Variants in ADAMTS16 observed in about 807,000 individuals in gnomAD.
ADAMTS16 encodes ADAM metallopeptidase with thrombospondin type 1 motif 16.
In ADAMTS16, 94 loss-of-function variants were observed where a neutral mutation model predicts 145.8. The ratio of observed to expected loss-of-function variants is 0.64; its 90% CI spans 0.55 to 0.77. ADAMTS16 has a LOEUF of 0.77. Among genes scored for constraint, ADAMTS16 ranks in the 30% least tolerant of loss-of-function variants. ADAMTS16 has a pLI of 0.00. For missense variants in ADAMTS16, 1,585 were observed against 1,591.5 expected (o/e 1.00, Z 0.07); for synonymous variants, 659 against 604.3 (o/e 1.09, Z -1.33).
In ADAMTS16 at chr5:5,247,933, C is replaced by T. The variant is rs190753195; in HGVS notation, c.2662+5742C>T. ...AGGGCCAGCCTGTCACTTAAATACA[C>T]TGGGAACCATTCAGAATTTGGACTG... On this transcript the variant is annotated intron_variant, in intron 17 of 22. Transcript: ENST00000274181. Among the ~76,000 whole-genome samples, 416 of 152,334 alleles carry T rather than the reference C, an allele frequency of 2.7e-3. 3 individuals carry two copies. The highest frequency in any genetic ancestry group is 9.5e-3 in the African/African-American group (397 of 41,582).
rs561335229 is a variant in ADAMTS16 at position 5,232,793 on chromosome 5, C to T, written c.1850+277C>T. On this transcript the variant is annotated intron_variant, in intron 12 of 22. Transcript: ENST00000274181. The stretch of plus-strand genomic sequence containing the variant: ...AATTTTTGTATTTCTAGTAGAGACA[C>T]GGTTTTACCATGTTGGTCAGGCTGG... Among the ~76,000 whole-genome samples the T allele has an allele frequency of 1.8e-4, 27 of 151,816 alleles. No individual in the cohort carries two copies. The South Asian group carries it at 1.9e-3, about 11-fold the overall frequency.
intron 18 of ADAMTS16, among the ~76,000 whole-genome samples, chr5:5,274,500 C>T (rs1413057814): frequency 1.3e-5 from 2 of 152,082 alleles, no homozygotes; most frequent in African/African-American, 4.8e-5. Context: ...TAGTCACATG[C>T]GTGTAAGTTT....
At position 5,317,274 on chromosome 5, in the gene ADAMTS16, AG is replaced by A. The variant is rs1470162609; in HGVS notation, c.3412-858del. ...TTTTTCAATCAGAAGGATAACTTGTAGGTAACTTTATTGGCAGGGGGATCTA... is the reference window on the plus strand; with the variant it reads ...TTTTTCAATCAGAAGGATAACTTGTAGTAACTTTATTGGCAGGGGGATCTA... On this transcript the variant is annotated intron_variant, in intron 21 of 22. Transcript: ENST00000274181. This position sits in a 1 kb window ranked among gnomAD's most constrained non-coding sequence, Gnocchi z 4.5. Among the ~76,000 whole-genome samples, 1 of 152,234 alleles carries A rather than the reference AG, an allele frequency of 6.6e-6. No homozygotes were observed. The highest frequency in any genetic ancestry group is 1.5e-5 in the Non-Finnish European group (1 of 68,040).
At chr5:5,245,707 G>A (rs753151143) in intron 17 of ADAMTS16, among the ~76,000 whole-genome samples, 1 of 152,060 alleles carries the variant, frequency 6.6e-6, no homozygotes, top group African/African-American at 2.4e-5. Flanking sequence ...AAAAGAGGAC[G>A]GATAAATCTT....
chr5:5,196,318 C>T (rs1477644440), intron 8 of ADAMTS16, among the ~76,000 whole-genome samples: 1 of 151,106 alleles, frequency 6.6e-6, no homozygotes, highest in Admixed American at 6.6e-5. Flanking sequence ...TTCAGCTCAA[C>T]CACAGTCACT....
intron 11 of ADAMTS16, among the ~76,000 whole-genome samples, chr5:5,225,455 T>C (rs1736732397): frequency 6.6e-6 from 1 of 152,082 alleles, no homozygotes; most frequent in African/African-American, 2.4e-5. Flanking sequence ...ATACAAAACT[T>C]AGCTGGGCGT....
intron 18 of ADAMTS16, among the ~76,000 whole-genome samples, chr5:5,281,473 G>C: frequency 6.6e-6 from 1 of 152,226 alleles, no homozygotes. Flanking sequence ...AACTTTATAA[G>C]TATATCATGT....
chr5:5,200,465 G>T lies in ADAMTS16; in HGVS notation c.1451+196G>T, dbSNP rs74806991. ...GCATGGAGGCCTGTTGGCTTAATCT[G>T]ACATTGATTCAAAGGGAATCAATGA... On this transcript the variant is annotated intron_variant, in intron 9 of 22. Transcript: ENST00000274181. Among the ~76,000 whole-genome samples the T allele has an allele frequency of 9.8e-3, 1,490 of 152,262 alleles. 20 individuals are homozygous for T. The highest frequency in any genetic ancestry group is 0.034 in the African/African-American group (1,408 of 41,536).
At chr5:5,141,111 T>C (rs1166585636) in intron 2 of ADAMTS16, among the ~76,000 whole-genome samples, 1 of 152,164 alleles carries the variant, frequency 6.6e-6, no homozygotes, top group East Asian at 1.9e-4. Flanking sequence ...ATTACTTTCT[T>C]TTCCGTCCCC....
chr5:5,175,025 A>G (rs1735148800), intron 3 of ADAMTS16, among the ~76,000 whole-genome samples: 1 of 152,190 alleles, frequency 6.6e-6, no homozygotes, highest in Admixed American at 6.5e-5. Context: ...CTAAGTTGCA[A>G]GGCAAAATCC....
At chr5:5,239,981 G>A in intron 16 of ADAMTS16, 56 bp downstream of exon 16, 1 of 1,590,462 alleles carries the variant, frequency 6.3e-7, no homozygotes, top group Non-Finnish European at 8.6e-7. Flanking sequence ...TCTGGTGTCT[G>A]TGTAAGTTAA....
Position 5,186,220 on chromosome 5 carries a change from T to A in ADAMTS16, c.932T>A (p.Ile311Asn), listed in dbSNP as rs1418003253. The change falls in exon 5 of 23, where the codon ATC (isoleucine) becomes AAC (asparagine). Residue 311 changes from isoleucine to asparagine, a missense_variant. By Grantham distance (149) the Ile-to-Asn change is moderately radical. Around this residue, in one of 3 missense-constraint regions of ADAMTS16, gnomAD observed 453 missense variants for 412.1 expected, o/e 1.10. Coordinates refer to ENST00000274181, the MANE Select transcript of ADAMTS16 (RefSeq NM_139056.4). ...ATGCAAAACCATGGCCATGAAAATA[T>A]CACCACCTACGTGCTCACGATACTC... The part of the protein sequence containing the change: ...KMMQNHGHEN[I>N]TTYVLTILNM... 3 of 1,613,706 alleles carry A rather than the reference T, an allele frequency of 1.9e-6. No homozygotes were observed. The highest frequency in any genetic ancestry group is 1.7e-6 in the Non-Finnish European group (2 of 1,180,022).
intron 13 of ADAMTS16, among the ~76,000 whole-genome samples, chr5:5,236,151 G>C (rs2913632): frequency 0.71 from 107,299 of 152,006 alleles, 38,488 homozygotes; most frequent in East Asian, 0.83. Context: ...GAAGCACACA[G>C]TAATCATGGA....
chr5:5,319,318 C>T lies in ADAMTS16; in HGVS notation c.*180C>T, dbSNP rs567586915. 5 of 588,604 alleles carry T rather than the reference C, an allele frequency of 8.5e-6. No homozygotes were observed. In the South Asian group the frequency reaches 9.6e-5, roughly 11 times the overall value. The allele number at this position is 588,604 out of a possible 1,614,324, so 36.5% of individuals were successfully genotyped here. A position where few individuals can be genotyped will look rare whatever the true frequency, so the allele number is the denominator to read the frequency against. On this transcript the variant is annotated 3_prime_UTR_variant, in exon 23 of 23. Transcript: ENST00000274181. ...GTTTCACTGTGAGCCTGGGTGCAGA[C>T]CTGTGTCCCCATGCACACAGTGTCT...
In ADAMTS16 at chr5:5,242,157, C is replaced by G. The variant is rs113503747; in HGVS notation, c.2628C>G (p.Ile876Met). ...CCCAGCCCAGCTACACTTGGGCCATCGTGCGCTCTGAGTGCTCCGTGTCCT... is the reference window on the plus strand; with the variant it reads ...CCCAGCCCAGCTACACTTGGGCCATGGTGCGCTCTGAGTGCTCCGTGTCCT... ...PPAQPSYTWA[I>M]VRSECSVSCG... is the part of the protein sequence containing the mutation. Residue 876 changes from isoleucine (I) to methionine (M), a missense_variant, in exon 17 of 23, where the codon ATC (isoleucine) becomes ATG (methionine). This residue lies in a region of ADAMTS16 where 834 missense variants were observed against 811.7 expected (regional missense o/e 1.03). Transcript: ENST00000274181. 1 of 1,614,038 alleles carries G rather than the reference C, an allele frequency of 6.2e-7. No homozygotes were observed. Among genetic ancestry groups the G allele is most frequent in the Admixed American group, 1.7e-5 (1 of 60,010 alleles).
Position 5,190,144 on chromosome 5 carries a change from G to T in ADAMTS16, c.1207+14G>T, listed in dbSNP as rs1262357708. The T allele has an allele frequency of 2.5e-6, 4 of 1,576,092 alleles. No individual in the cohort carries two copies. The highest frequency in any genetic ancestry group is 3.7e-5 in the Admixed American group (2 of 54,564). ...GTGACACTTTGGGTGAGAACCTCCA[G>T]CAGAGTGTGAGGACCGTGTGTGGAA... On this transcript the variant is annotated intron_variant, in intron 7 of 22. Transcript: ENST00000274181.
At chr5:5,254,651 A>C (rs931085599) in intron 17 of ADAMTS16, among the ~76,000 whole-genome samples, 5 of 152,246 alleles carry the variant, frequency 3.3e-5, no homozygotes, top group African/African-American at 1.2e-4. Flanking sequence ...ACATTTATGG[A>C]GTTTATGTTT....
chr5:5,156,509 A>T (rs1374223910), intron 3 of ADAMTS16, among the ~76,000 whole-genome samples: 1 of 152,214 alleles, frequency 6.6e-6, no homozygotes, highest in Non-Finnish European at 1.5e-5. Context: ...GAATGGGCTA[A>T]CTAAACCTTG....
At chr5:5,193,138 AGTGTGTGTGT>A (rs146798284) in intron 8 of ADAMTS16, among the ~76,000 whole-genome samples, 1 of 150,580 alleles carries the variant, frequency 6.6e-6, no homozygotes, top group African/African-American at 2.5e-5. Context: ...TGTTCAAAGC[AGTGTGTGTGT>A]GTGTGTGTGT....
Sources: allele counts gnomAD v4.1 joint callset (sites outside exome capture counted in the v4.1 genomes callset), GRCh38; gene constraint gnomAD v4.1.1; regional missense constraint gnomAD v4.1.1; non-coding constraint Gnocchi (gnomAD v3.1); transcripts MANE v1.5; gene names NCBI Gene and HGNC (gene_info 2026-07-23, HGNC 2026-07-21).